STARD9: variants seen among roughly 807,000 people sequenced by gnomAD.
The protein encoded by STARD9 is StAR related lipid transfer domain containing 9.
A neutral mutation model predicts 399.8 loss-of-function variants in STARD9; 346 were observed. The observed-to-expected ratio is 0.87, with a 90% CI of 0.79 to 0.95. The LOEUF is 0.95. Among genes scored for constraint, STARD9 ranks in the 40% least tolerant of loss-of-function variants. The pLI, the probability that STARD9 is intolerant of heterozygous loss-of-function variation, is 0.00. For missense variants in STARD9, 5,832 were observed against 5,667.5 expected (o/e 1.03, Z -0.93); for synonymous variants, 2,203 against 2,143.5 (o/e 1.03, Z -0.77).
intron 9 of STARD9, among the ~76,000 whole-genome samples, chr15:42,657,042 G>T (rs1173168821): frequency 6.6e-6 from 1 of 152,060 alleles, no homozygotes; most frequent in Non-Finnish European, 1.5e-5. Context: ...AGCTGGAGTG[G>T]TATTTTAATG....
chr15:42,576,071 G>A (rs1197533658), intron 1 of STARD9, among the ~76,000 whole-genome samples: 1 of 152,220 alleles, frequency 6.6e-6, no homozygotes, highest in Non-Finnish European at 1.5e-5. Flanking sequence ...GGGCCTTTGA[G>A]AAAGGCTGGG....
At chr15:42,652,651 T>G (rs1207700429) in intron 9 of STARD9, 59 bp downstream of exon 9, 4 of 1,378,330 alleles carry the variant, frequency 2.9e-6, no homozygotes, top group Non-Finnish European at 4.0e-6. Context: ...TTAAACCACT[T>G]TCTTGTCTTC....
chr15:42,617,682 G>A (rs1595645839), intron 3 of STARD9, among the ~76,000 whole-genome samples: 1 of 152,150 alleles, frequency 6.6e-6, no homozygotes, highest in Non-Finnish European at 1.5e-5. Context: ...TTTGTTTATT[G>A]TACTACCATT....
At position 42,685,342 on chromosome 15, in the gene STARD9, G is replaced by T. The variant is rs1332632513; in HGVS notation, c.3764G>T (p.Gly1255Val). ...VMDQEAICRL[G>V]PINYRTAARL... ...GACCAAGAGGCAATATGCAGGCTTG[G>T]TCCCATCAACTACAGAACAGCAGCT... Residue 1255 changes from glycine (G) to valine (V), a missense_variant, in exon 23 of 33, where the codon GGT becomes GTT. Transcript: ENST00000290607. 12 of 1,537,290 alleles carry T rather than the reference G, an allele frequency of 7.8e-6. No homozygotes were observed. Among genetic ancestry groups the T allele is most frequent in the Non-Finnish European group, 1.0e-5 (12 of 1,146,920 alleles).
At chr15:42,667,786 T>A (rs2060131906) in intron 15 of STARD9, among the ~76,000 whole-genome samples, 1 of 152,194 alleles carries the variant, frequency 6.6e-6, no homozygotes, top group African/African-American at 2.4e-5. Context: ...GCAGACAGGT[T>A]AGATTTAAAT....
chr15:42,681,891 C>T (rs1330152069), intron 21 of STARD9, among the ~76,000 whole-genome samples: 4 of 152,086 alleles, frequency 2.6e-5, no homozygotes, highest in Admixed American at 6.5e-5. Flanking sequence ...TGCCCTAGCA[C>T]GTGCCCACTG....
chr15:42,712,326 G>T (rs1163626859), intron 26 of STARD9, among the ~76,000 whole-genome samples: 1 of 149,960 alleles, frequency 6.7e-6, no homozygotes, highest in Non-Finnish European at 1.5e-5. Flanking sequence ...TAATTTTGAT[G>T]ATGTCCAGTT....
At chr15:42,718,716 T>G (rs1399552911) in intron 31 of STARD9, 36 bp from the exon 32 acceptor site, 33 of 1,534,510 alleles carry the variant, frequency 2.2e-5, no homozygotes, top group Non-Finnish European at 2.9e-5. Context: ...TTGTCCACAC[T>G]ACACAGGCAG....
chr15:42,666,286 C>A (rs28537072), intron 15 of STARD9, among the ~76,000 whole-genome samples: 8,713 of 152,134 alleles, frequency 0.057, 686 homozygotes, highest in African/African-American at 0.18. Flanking sequence ...CTGAAAGAGT[C>A]TAGGGAAGGA....
At position 42,691,934 on chromosome 15, in the gene STARD9, T is replaced by G. The variant is rs1312022025; in HGVS notation, c.10356T>G (p.Ser3452=). 1 of 1,537,252 alleles carries G rather than the reference T, an allele frequency of 6.5e-7. No individual in the cohort carries two copies. The highest frequency in any genetic ancestry group is 1.2e-5 in the South Asian group (1 of 84,054). Residue 3452 remains serine (S), a synonymous_variant, in exon 23 of 33, where the codon TCT becomes TCG. Transcript: ENST00000290607. Reference sequence around the variant, plus strand: ...AGGTTAGGCCAGAAAATTGGTGCTCTCAGATGGACAAAGGAATGCTGCACT... The same window carrying G: ...AGGTTAGGCCAGAAAATTGGTGCTCGCAGATGGACAAAGGAATGCTGCACT... ...GVQVRPENWC[S]QMDKGMLHFG... is the part of the protein sequence containing the mutation.
chr15:42,718,535 G>A, intron 31 of STARD9, 21 bp downstream of exon 31: 1 of 1,533,892 alleles, frequency 6.5e-7, no homozygotes, highest in Non-Finnish European at 8.7e-7. Context: ...TGGTGGTAAA[G>A]ATGTTGTGGG....
At chr15:42,598,000 ATG>A (rs572054615) in intron 3 of STARD9, among the ~76,000 whole-genome samples, 4,596 of 115,090 alleles carry the variant, frequency 0.04, 112 homozygotes, top group African/African-American at 0.085. Flanking sequence ...GTATATATAT[ATG>A]TGTGTGTGTG....
At chr15:42,680,142 A>G (rs1351504417) in intron 20 of STARD9, among the ~76,000 whole-genome samples, 1 of 152,126 alleles carries the variant, frequency 6.6e-6, no homozygotes. Context: ...AAAAACCTAA[A>G]TGACAGGGAT....
Position 42,687,101 on chromosome 15 carries a change from A to G in STARD9, c.5523A>G (p.Glu1841=), listed in dbSNP as rs1377054600. Residue 1841 remains glutamate, a synonymous_variant, in exon 23 of 33, where the codon GAA becomes GAG. Transcript: ENST00000290607. ...ESGKCPGNIT[E]ESHDSVYSSV... The stretch of plus-strand genomic sequence containing the variant: ...GTAAATGCCCTGGAAATATTACAGA[A>G]GAAAGCCATGATTCAGTTTATTCTT... 3.3e-6 allele frequency: 5 copies of G among 1,537,286 alleles called. No individual in the cohort carries two copies. The highest frequency in any genetic ancestry group is 1.7e-4 in the Middle Eastern group (1 of 5,990).
At chr15:42,592,614 T>G (rs2058422703) in intron 3 of STARD9, among the ~76,000 whole-genome samples, 1 of 151,994 alleles carries the variant, frequency 6.6e-6, no homozygotes, top group Admixed American at 6.6e-5. Flanking sequence ...CCGGCTAATT[T>G]TTGTATTTGT....
intron 3 of STARD9, among the ~76,000 whole-genome samples, chr15:42,596,065 A>G (rs1187053117): frequency 6.6e-6 from 1 of 152,246 alleles, no homozygotes; most frequent in African/African-American, 2.4e-5. Flanking sequence ...AGTGGAAACT[A>G]GAGAAATCTT....
At chr15:42,638,219 C>A in intron 6 of STARD9, 132 bp downstream of exon 6, 3 of 807,780 alleles carry the variant, frequency 3.7e-6, no homozygotes, top group African/African-American at 1.7e-5. Context: ...AAATATCTTG[C>A]AGTACAAGAG....
rs550026054 is a variant in STARD9 at position 42,720,234 on chromosome 15, C to T, written c.*660C>T. 2 of 152,384 alleles carry T rather than the reference C, an allele frequency of 1.3e-5. No homozygotes were observed. Among genetic ancestry groups the T allele is most frequent in the African/African-American group, 4.8e-5 (2 of 41,554 alleles). The allele number at this position is 152,384 out of a possible 1,614,324, so 9.4% of individuals were successfully genotyped here. A position where few individuals can be genotyped will look rare whatever the true frequency, so the allele number is the denominator to read the frequency against. On this transcript the variant is annotated 3_prime_UTR_variant, in exon 33 of 33. Transcript: ENST00000290607. ...GAGGCAGGGGTGTTGAGCGATGATG[C>T]TCTGATATGGAGCTGTCACTCTAGA... is the stretch of plus-strand genomic sequence containing the variant.
At chr15:42,703,653 G>A (rs372069890) in intron 26 of STARD9, among the ~76,000 whole-genome samples, 4 of 151,746 alleles carry the variant, frequency 2.6e-5, no homozygotes, top group South Asian at 2.1e-4. Flanking sequence ...GATTACAGGC[G>A]TGGGCCACCG....
Sources: gnomAD v4.1 joint callset for allele counts (sites outside exome capture counted in the v4.1 genomes callset) on GRCh38, gnomAD v4.1.1 for gene constraint, MANE v1.5 for transcripts, NCBI Gene and HGNC (gene_info 2026-07-23, HGNC 2026-07-21) for gene names.